Variants in ATP2B4 observed in about 807,000 individuals in gnomAD.
ATP2B4 encodes the protein ATPase plasma membrane Ca2+ transporting 4, also known as plasma membrane calcium-transporting ATPase 4.
A neutral mutation model predicts 110.3 loss-of-function variants in ATP2B4; 39 were observed. The ratio of observed to expected loss-of-function variants is 0.35; its 90% CI spans 0.27 to 0.46. The LOEUF is 0.46. Among genes scored for constraint, ATP2B4 ranks in the 20% least tolerant of loss-of-function variants. The pLI, the probability that ATP2B4 is intolerant of heterozygous loss-of-function variation, is 1.00. For synonymous variants in ATP2B4, 538 were observed against 571.7 expected, an observed-to-expected ratio of 0.94 and a Z score of 0.84; for missense variants, 1,135 against 1,530.9, an observed-to-expected ratio of 0.74 and a Z score of 4.32.
At chr1:203,636,502 A>G (rs552611708) in intron 1 of ATP2B4, among the ~76,000 whole-genome samples, 1 of 152,226 alleles carries the variant, frequency 6.6e-6, no homozygotes, top group East Asian at 1.9e-4. Context: ...CCTTTAGTCA[A>G]TTCCCCTTCT....
rs747108576 is a variant in ATP2B4, at chr1:203,740,076, C to T, written c.*222C>T. 3.8e-5 allele frequency: 21 copies of T among 553,562 alleles called. No individual in the cohort carries two copies. Among genetic ancestry groups the T allele is most frequent in the Non-Finnish European group, 6.0e-5 (19 of 315,206 alleles). The allele number at this position is 553,562 out of a possible 1,614,324, so 34.3% of individuals were successfully genotyped here. A position where few individuals can be genotyped will look rare whatever the true frequency, so the allele number is the denominator to read the frequency against. ...GTTTGTAGCGGGACCCAGTCAAACCCCATTCAGGTCATGGTAGAATCTACT... is the reference window on the plus strand; with the variant it reads ...GTTTGTAGCGGGACCCAGTCAAACCTCATTCAGGTCATGGTAGAATCTACT... On this transcript the variant is annotated 3_prime_UTR_variant, in exon 21 of 21. Coordinates refer to ENST00000357681, the MANE Select transcript of ATP2B4 (RefSeq NM_001684.5).
At chr1:203,733,658 A>G (rs1029166996) in intron 20 of ATP2B4, 2 of 415,152 alleles carry the variant, frequency 4.8e-6, no homozygotes, top group African/African-American at 4.1e-5. Context: ...GTTCCTCTGC[A>G]TTGCTCATTT....
intron 11 of ATP2B4, 26 bp downstream of exon 11, chr1:203,709,568 C>T (rs1405251250): frequency 1.9e-6 from 3 of 1,613,328 alleles, no homozygotes; most frequent in Non-Finnish European, 2.5e-6. Context: ...CACTCTGCTT[C>T]CCTTCAAGAT....
At chr1:203,647,900 G>A (rs1663853817) in intron 1 of ATP2B4, among the ~76,000 whole-genome samples, 1 of 152,176 alleles carries the variant, frequency 6.6e-6, no homozygotes, top group East Asian at 1.9e-4. Context: ...AGAGAGGGGA[G>A]AAGGCTTGGA....
intron 15 of ATP2B4, 34 bp downstream of exon 15, chr1:203,714,311 C>G: frequency 6.2e-7 from 1 of 1,609,948 alleles, no homozygotes; most frequent in African/African-American, 1.3e-5. Flanking sequence ...TGATTGCAAG[C>G]TGCCTTCTCC....
At chr1:203,669,147 A>G (rs1446554081) in intron 1 of ATP2B4, among the ~76,000 whole-genome samples, 1 of 152,176 alleles carries the variant, frequency 6.6e-6, no homozygotes, top group African/African-American at 2.4e-5. Flanking sequence ...TTAAAGTGGT[A>G]TGTATAGGAG....
chr1:203,707,265 T>A, intron 9 of ATP2B4, 42 bp downstream of exon 9: 1 of 1,563,950 alleles, frequency 6.4e-7, no homozygotes, highest in Non-Finnish European at 8.7e-7. Flanking sequence ...AGGATAGAGA[T>A]GGGAGAGAAG....
chr1:203,693,245 G>C (rs1048747671), intron 2 of ATP2B4, among the ~76,000 whole-genome samples: 1 of 152,182 alleles, frequency 6.6e-6, no homozygotes, highest in Non-Finnish European at 1.5e-5. Flanking sequence ...AGGGCAGAAA[G>C]AATTGGAATG....
At chr1:203,649,845 C>T (rs926563440) in intron 1 of ATP2B4, among the ~76,000 whole-genome samples, 4 of 152,042 alleles carry the variant, frequency 2.6e-5, no homozygotes, top group African/African-American at 7.2e-5. Context: ...ATTGAGGTCA[C>T]GGAAACTCCA....
chr1:203,653,983 A>AT (rs1247793523), intron 1 of ATP2B4, among the ~76,000 whole-genome samples: 8 of 14,630 alleles, frequency 5.5e-4, no homozygotes, highest in African/African-American at 1.2e-3. Context: ...ATATATATAT[A>AT]TATTTTTTTT....
At chr1:203,714,314 C>A in intron 15 of ATP2B4, 37 bp downstream of exon 15, 2 of 1,608,866 alleles carry the variant, frequency 1.2e-6, no homozygotes, top group Non-Finnish European at 1.7e-6. Flanking sequence ...TTGCAAGCTG[C>A]CTTCTCCATC....
chr1:203,736,192 C>T (rs754774300), intron 20 of ATP2B4, among the ~76,000 whole-genome samples: 3 of 152,150 alleles, frequency 2.0e-5, no homozygotes, highest in African/African-American at 7.2e-5. Flanking sequence ...CTGCCTGGCG[C>T]GGTGGCTCAC....
chr1:203,661,388 C>T (rs1000989511), intron 1 of ATP2B4, among the ~76,000 whole-genome samples: 18 of 152,218 alleles, frequency 1.2e-4, no homozygotes, highest in Admixed American at 1.3e-4. Flanking sequence ...GGGAGTGATA[C>T]GACCCATTTC....
intron 1 of ATP2B4, among the ~76,000 whole-genome samples, chr1:203,658,771 T>C (rs1664242358): frequency 1.3e-5 from 2 of 152,078 alleles, no homozygotes; most frequent in Middle Eastern, 3.2e-3. Context: ...TTTGGGAGGC[T>C]GAGGCGGGTG....
chr1:203,640,813 C>T (rs1663603603), intron 1 of ATP2B4, among the ~76,000 whole-genome samples: 1 of 152,152 alleles, frequency 6.6e-6, no homozygotes, highest in Non-Finnish European at 1.5e-5. Context: ...CTAAGATGCA[C>T]CCTTAGTTTA....
In ATP2B4 at chr1:203,699,653, C is replaced by G; in HGVS notation, c.585C>G (p.Asn195Lys). Residue 195 changes from asparagine (N) to lysine (K), a missense_variant, in exon 4 of 21, where the codon AAC becomes AAG. By Grantham distance (94) the Asn-to-Lys change is moderately conservative. This residue lies in a region of ATP2B4 where 101 missense variants were observed against 182.6 expected (regional missense o/e 0.55). Coordinates refer to ENST00000357681, the MANE Select transcript of ATP2B4 (RefSeq NM_001684.5). The stretch of plus-strand genomic sequence containing the variant: ...AGCAAAAGTTCTCCATCATCCGAAA[C>G]GGTCAACTCATCCAGCTCCCTGTGG... ...EQEQKFSIIR[N>K]GQLIQLPVAE... The G allele has an allele frequency of 6.2e-7, 1 of 1,614,164 alleles. No homozygotes were observed. Among genetic ancestry groups the G allele is most frequent in the Non-Finnish European group, 8.5e-7 (1 of 1,180,038 alleles).
At chr1:203,634,848 G>GAA (rs1663389850) in intron 1 of ATP2B4, among the ~76,000 whole-genome samples, 20 of 152,188 alleles carry the variant, frequency 1.3e-4, no homozygotes, top group African/African-American at 4.8e-4. Context: ...ATTTTTTGTA[G>GAA]AGACGGGGTT....
chr1:203,739,817 C>T lies in ATP2B4; in HGVS notation c.3581C>T (p.Ser1194Leu), dbSNP rs77197094. 4.9e-4 allele frequency: 792 copies of T among 1,614,086 alleles called. No individual in the cohort carries two copies. The East Asian group carries it at 0.011, about 23-fold the overall frequency. The change falls in exon 21 of 21, where the codon TCG becomes TTG. Residue 1194 changes from serine (S) to leucine (L), a missense_variant. Around this residue, in one of 9 missense-constraint regions of ATP2B4, gnomAD observed 92 missense variants for 82.5 expected, o/e 1.11. Coordinates refer to ENST00000357681, the MANE Select transcript of ATP2B4 (RefSeq NM_001684.5). ...TGCAACCAAGTGCAGCTCCCCCAGT[C>T]GGACAGCTCTCTACAGAGCCTAGAG... ...VDCNQVQLPQ[S>L]DSSLQSLETS...
Position 203,707,097 on chromosome 1 carries a change from T to C in ATP2B4, c.1188T>C (p.Pro396=), listed in dbSNP as rs1026481806. Reference sequence around the variant, plus strand: ...TGATAAATCGCAGACCATGGCTCCCTGAGTGTACTCCCATCTACATCCAGT... The same window carrying C: ...TGATAAATCGCAGACCATGGCTCCCCGAGTGTACTCCCATCTACATCCAGT... ...NFVINRRPWL[P]ECTPIYIQYF... is the part of the protein sequence containing the mutation. The change falls in exon 9 of 21, where the codon CCT becomes CCC. Residue 396 remains proline, a synonymous_variant. Transcript: ENST00000357681. The C allele has an allele frequency of 6.2e-7, 1 of 1,614,174 alleles. No individual in the cohort carries two copies. The highest frequency in any genetic ancestry group is 8.5e-7 in the Non-Finnish European group (1 of 1,180,022).
Sources: gnomAD v4.1 joint callset for allele counts (sites outside exome capture counted in the v4.1 genomes callset) on GRCh38, gnomAD v4.1.1 for gene constraint, gnomAD v4.1.1 regional missense constraint, MANE v1.5 for transcripts, NCBI Gene and HGNC (gene_info 2026-07-23, HGNC 2026-07-21) for gene names.